Variants in SLITRK3 observed in about 807,000 individuals in gnomAD.
SLITRK3 encodes SLIT and NTRK like family member 3, also known as SLIT and NTRK-like protein 3.
SLITRK3 carries 16 observed loss-of-function variants against 63.6 expected under a neutral mutation model. That is an observed-to-expected ratio of 0.25 (90% CI 0.17 to 0.38). SLITRK3 has a LOEUF of 0.38. Ranked by LOEUF, SLITRK3 falls within the 10% of genes least tolerant of loss-of-function variation. The pLI is 1.00. For synonymous variants in SLITRK3, 547 were observed against 451.6 expected (o/e 1.21, Z -2.68); for missense variants, 1,117 against 1,181.4 (o/e 0.95, Z 0.80).
intron 1 of SLITRK3, among the ~76,000 whole-genome samples, chr3:165,193,732 T>C (rs772331501): frequency 2.8e-4 from 43 of 152,170 alleles, no homozygotes; most frequent in Non-Finnish European, 5.7e-4. Flanking sequence ...TGGGTAACAA[T>C]GGTACATTTC....
chr3:165,194,796 TA>T (rs1718362148), intron 1 of SLITRK3, among the ~76,000 whole-genome samples: 2 of 152,230 alleles, frequency 1.3e-5, no homozygotes, highest in African/African-American at 4.8e-5. Context: ...TTTCTTGAAC[TA>T]AAACCCCTTA....
At position 165,196,237 on chromosome 3, in the gene SLITRK3, G is replaced by T. The variant is rs1718411124; in HGVS notation, c.-679C>A. Among the ~76,000 whole-genome samples the T allele has an allele frequency of 6.8e-6, 1 of 147,634 alleles. No individual in the cohort carries two copies. Among genetic ancestry groups the T allele is most frequent in the Non-Finnish European group, 1.5e-5 (1 of 66,866 alleles). On this transcript the variant is annotated 5_prime_UTR_variant, in exon 1 of 2. In the 5' UTR this introduces an upstream ATG that the reference lacks. Transcript: ENST00000475390. ...AGATCTCAGATCCCAGCATTGGTCAGACGGCGAAGGTGGGGGGAAAGAAGG... is the reference window on the plus strand; with the variant it reads ...AGATCTCAGATCCCAGCATTGGTCATACGGCGAAGGTGGGGGGAAAGAAGG...
At chr3:165,193,749 C>A (rs1179011183) in intron 1 of SLITRK3, among the ~76,000 whole-genome samples, 1 of 151,972 alleles carries the variant, frequency 6.6e-6, no homozygotes, top group Non-Finnish European at 1.5e-5. Context: ...TTTCACATTG[C>A]GCCACCGGGA....
rs777903977 is a variant in SLITRK3, at chr3:165,188,409, A to G, written c.2422T>C (p.Tyr808His). Reference protein sequence around the residue: ...AETPKENHSNYRTLLEKEKEW... With the variant: ...AETPKENHSNHRTLLEKEKEW... The stretch of plus-strand genomic sequence containing the variant: ...TTCTCTTTTTCCAGCAAGGTCCGGT[A>G]GTTACTATGGTTCTCCTTGGGTGTC... Residue 808 changes from tyrosine (Y) to histidine (H), a missense_variant, in exon 2 of 2, where the codon TAC (tyrosine) becomes CAC (histidine). By Grantham distance (83) the Tyr-to-His change is moderately conservative (BLOSUM62 2). Transcript: ENST00000475390. 33 of 1,613,708 alleles carry G rather than the reference A, an allele frequency of 2.0e-5. No individual in the cohort carries two copies. In the East Asian group the frequency reaches 7.4e-4, roughly 36 times the overall value.
At position 165,188,199 on chromosome 3, in the gene SLITRK3, A is replaced by T. The variant is rs1488731288; in HGVS notation, c.2632T>A (p.Cys878Ser). ...TCTAGTAGCATACTGCCACTACCAC[A>T]GCCTCCCCCAGGAGGAAACAGCACC... ...GVVLFPPGGG[C>S]GSGSMLLDRE... The change falls in exon 2 of 2, where the codon TGT (cysteine) becomes AGT (serine). Residue 878 changes from cysteine (C) to serine (S), a missense_variant. Cys to Ser is a moderately radical substitution (Grantham distance 112, BLOSUM62 -1). Transcript: ENST00000475390. 6.2e-7 allele frequency: 1 copy of T among 1,613,752 alleles called. No individual in the cohort carries two copies. Among genetic ancestry groups the T allele is most frequent in the South Asian group, 1.1e-5 (1 of 91,054 alleles).
chr3:165,188,623 C>A lies in SLITRK3; in HGVS notation c.2208G>T (p.Val736=). 1 of 1,613,842 alleles carries A rather than the reference C, an allele frequency of 6.2e-7. No individual in the cohort carries two copies. The highest frequency in any genetic ancestry group is 1.1e-5 in the South Asian group (1 of 91,054). The stretch of plus-strand genomic sequence containing the variant: ...GGGGGATGTACTCATACACATGACC[C>A]ACGGGAGGGGCCTTCTCTGGAGAGG... The part of the protein sequence containing the change: ...TLSSPEKAPP[V]GHVYEYIPHP... The change falls in exon 2 of 2, where the codon GTG becomes GTT. Residue 736 remains valine, a synonymous_variant. Coordinates refer to ENST00000475390, the MANE Select transcript of SLITRK3 (RefSeq NM_001318810.2).
upstream of SLITRK3, chr3:165,196,932 CTCTGT>C: frequency 2.2e-5 from 3 of 139,438 alleles, no homozygotes; most frequent in Admixed American, 1.4e-4. Context: ...TCTCTCCTCT[CTCTGT>C]CTCTCTCTCT....
chr3:165,189,979 C>A lies in SLITRK3; in HGVS notation c.852G>T (p.Leu284Phe), dbSNP rs1391144038. The A allele has an allele frequency of 1.2e-6, 2 of 1,614,004 alleles. No individual in the cohort carries two copies. Among genetic ancestry groups the A allele is most frequent in the African/African-American group, 2.7e-5 (2 of 74,910 alleles). ...EIRKTELCPLLSDSEVEASLG... is the reference protein window; with the variant it reads ...EIRKTELCPLFSDSEVEASLG... Reference sequence around the variant, plus strand: ...AACTAGCCTCTACCTCAGAGTCAGACAACAAGGGACAGAGTTCTGTCTTCC... The same window carrying A: ...AACTAGCCTCTACCTCAGAGTCAGAAAACAAGGGACAGAGTTCTGTCTTCC... Residue 284 changes from leucine (L) to phenylalanine (F), a missense_variant, in exon 2 of 2, where the codon TTG (leucine) becomes TTT (phenylalanine). Around this residue, in one of 4 missense-constraint regions of SLITRK3, gnomAD observed 452 missense variants for 495.3 expected, o/e 0.91. Coordinates refer to ENST00000475390, the MANE Select transcript of SLITRK3 (RefSeq NM_001318810.2). The surrounding 1 kb of genome is among the most constrained non-coding windows in gnomAD (Gnocchi z 4.0).
At position 165,187,726 on chromosome 3, in the gene SLITRK3, G is replaced by C. The variant is rs16848924; in HGVS notation, c.*171C>G. Reference sequence around the variant, plus strand: ...CCTCCAAATCGCATCTGAGAGGGGAGAGCATACATCTGTATTCTCTAGTTA... The same window carrying C: ...CCTCCAAATCGCATCTGAGAGGGGACAGCATACATCTGTATTCTCTAGTTA... On this transcript the variant is annotated 3_prime_UTR_variant, in exon 2 of 2. Coordinates refer to ENST00000475390, the MANE Select transcript of SLITRK3 (RefSeq NM_001318810.2). 506 of 527,494 alleles carry C rather than the reference G, an allele frequency of 9.6e-4. No individual in the cohort carries two copies. The highest frequency in any genetic ancestry group is 8.7e-3 in the African/African-American group (460 of 53,092). 32.7% of individuals were successfully genotyped at this position (527,494 alleles called of 1,614,324 possible).
Position 165,190,702 on chromosome 3 carries a change from G to C in SLITRK3, c.129C>G (p.Pro43=). 6.2e-7 allele frequency: 1 copy of C among 1,614,072 alleles called. No homozygotes were observed. The highest frequency in any genetic ancestry group is 8.5e-7 in the Non-Finnish European group (1 of 1,179,998). ...CTTCACAGTAGCATGGATCAAAACA[G>C]GGCTCATCTATTTCCTCTGAGTCCT... ...LIEDSEEIDE[P]CFDPCYCEVK... Residue 43 remains proline, a synonymous_variant, in exon 2 of 2, where the codon CCC becomes CCG. Transcript: ENST00000475390.
At chr3:165,191,026 C>A (rs1718204956) in intron 1 of SLITRK3, among the ~76,000 whole-genome samples, 175 bp from the exon 2 acceptor site, 2 of 152,174 alleles carry the variant, frequency 1.3e-5, no homozygotes, top group Non-Finnish European at 2.9e-5. Flanking sequence ...ATATTTTAAA[C>A]TTAGGAGACT....
Position 165,190,369 on chromosome 3 carries a change from C to A in SLITRK3, c.462G>T (p.Leu154=). The A allele has an allele frequency of 6.2e-7, 1 of 1,614,088 alleles. No homozygotes were observed. The highest frequency in any genetic ancestry group is 8.5e-7 in the Non-Finnish European group (1 of 1,180,020). The change falls in exon 2 of 2, where the codon CTG becomes CTT. Residue 154 remains leucine (L), a synonymous_variant. Coordinates refer to ENST00000475390, the MANE Select transcript of SLITRK3 (RefSeq NM_001318810.2). ...TFLGLESLEY[L]QADYNVIKRI... ...GTTTAATGACATTGTAATCTGCCTG[C>A]AGATATTCTAGACTTTCCAAGCCAA... is the stretch of plus-strand genomic sequence containing the variant.
At chr3:165,194,298 T>C (rs1331278481) in intron 1 of SLITRK3, among the ~76,000 whole-genome samples, 1 of 152,222 alleles carries the variant, frequency 6.6e-6, no homozygotes, top group Admixed American at 6.5e-5. Context: ...ACAGCTTACA[T>C]GTCAATTTCT....
At position 165,188,621 on chromosome 3, in the gene SLITRK3, C is replaced by A; in HGVS notation, c.2210G>T (p.Gly737Val). The change falls in exon 2 of 2, where the codon GGT (glycine) becomes GTT (valine). Residue 737 changes from glycine to valine, a missense_variant. Coordinates refer to ENST00000475390, the MANE Select transcript of SLITRK3 (RefSeq NM_001318810.2). ...GTGGGGGATGTACTCATACACATGACCCACGGGAGGGGCCTTCTCTGGAGA... is the reference window on the plus strand; with the variant it reads ...GTGGGGGATGTACTCATACACATGAACCACGGGAGGGGCCTTCTCTGGAGA... ...LSSPEKAPPV[G>V]HVYEYIPHPV... The A allele has an allele frequency of 6.2e-7, 1 of 1,613,892 alleles. No homozygotes were observed. Among genetic ancestry groups the A allele is most frequent in the South Asian group, 1.1e-5 (1 of 91,070 alleles).
rs11922760 is a variant in SLITRK3, at chr3:165,187,782, A to G, written c.*115T>C. ...CGGTTTTAGTTTTGTTCAGGGTAGG[A>G]AAGATCGTGAGGATGGAGTTACTGG... is the stretch of plus-strand genomic sequence containing the variant. On this transcript the variant is annotated 3_prime_UTR_variant, in exon 2 of 2. Coordinates refer to ENST00000475390, the MANE Select transcript of SLITRK3 (RefSeq NM_001318810.2). The G allele has an allele frequency of 0.088, 74,666 of 844,386 alleles. 3,691 individuals carry two copies. Among genetic ancestry groups the G allele is most frequent in the Admixed American group, 0.15 (5,393 of 36,932 alleles). The allele number at this position is 844,386 out of a possible 1,614,324, so 52.3% of individuals were successfully genotyped here.
chr3:165,193,085 C>A (rs924790732), intron 1 of SLITRK3, among the ~76,000 whole-genome samples: 1 of 151,162 alleles, frequency 6.6e-6, no homozygotes, highest in Non-Finnish European at 1.5e-5. Context: ...CACTAGGAAC[C>A]CCTGACTATA....
Position 165,188,017 on chromosome 3 carries a change from C to A in SLITRK3, c.2814G>T (p.Ser938=), listed in dbSNP as rs145516007. The A allele has an allele frequency of 3.1e-6, 5 of 1,613,870 alleles. No individual in the cohort carries two copies. The highest frequency in any genetic ancestry group is 2.5e-6 in the Non-Finnish European group (3 of 1,179,994). ...GGTGGTCTGTGAAGCCCTTTCCAGCCGAGAAGAGAAGGGTTTCTTTGAGCC... is the reference window on the plus strand; with the variant it reads ...GGTGGTCTGTGAAGCCCTTTCCAGCAGAGAAGAGAAGGGTTTCTTTGAGCC... ...DARLKETLLF[S]AGKGFTDHQT... The change falls in exon 2 of 2, where the codon TCG becomes TCT. Residue 938 remains serine (S), a synonymous_variant. Transcript: ENST00000475390.
At position 165,195,813 on chromosome 3, in the gene SLITRK3, G is replaced by T. The variant is rs1219662830; in HGVS notation, c.-255C>A. 3 of 152,716 alleles carry T rather than the reference G, an allele frequency of 2.0e-5. No individual in the cohort carries two copies. The highest frequency in any genetic ancestry group is 2.0e-4 in the Admixed American group (3 of 15,286). The allele number at this position is 152,716 out of a possible 1,614,324, so 9.5% of individuals were successfully genotyped here. On this transcript the variant is annotated 5_prime_UTR_variant, in exon 1 of 2. Transcript: ENST00000475390. ...CGCTGCATACCAATGGGAGAGCGGGGCGCGCACCTAGCGCGGCGATGCCAG... is the reference window on the plus strand; with the variant it reads ...CGCTGCATACCAATGGGAGAGCGGGTCGCGCACCTAGCGCGGCGATGCCAG...
At position 165,189,928 on chromosome 3, in the gene SLITRK3, A is replaced by C; in HGVS notation, c.903T>G (p.Ser301Arg). ...GCTTAGTTGGCCATGCATTCTCCTT[A>C]CTTGATGACGAATGTGGAATTCCCA... ...ASLGIPHSSSSKENAWPTKPS... is the reference protein window; with the variant it reads ...ASLGIPHSSSRKENAWPTKPS... Residue 301 changes from serine (S) to arginine (R), a missense_variant, in exon 2 of 2, where the codon AGT (serine) becomes AGG (arginine). Around this residue, in one of 4 missense-constraint regions of SLITRK3, gnomAD observed 452 missense variants for 495.3 expected, o/e 0.91. Coordinates refer to ENST00000475390, the MANE Select transcript of SLITRK3 (RefSeq NM_001318810.2). This position sits in a 1 kb window ranked among gnomAD's most constrained non-coding sequence, Gnocchi z 4.0. The C allele has an allele frequency of 8.7e-6, 14 of 1,614,150 alleles. No homozygotes were observed. Among genetic ancestry groups the C allele is most frequent in the Non-Finnish European group, 1.2e-5 (14 of 1,180,016 alleles).
Sources: gnomAD v4.1 joint callset for allele counts (sites outside exome capture counted in the v4.1 genomes callset) on GRCh38, gnomAD v4.1.1 for gene constraint, gnomAD v4.1.1 regional missense constraint, Gnocchi (gnomAD v3.1) non-coding constraint, MANE v1.5 for transcripts, NCBI Gene and HGNC (gene_info 2026-07-23, HGNC 2026-07-21) for gene names.